The following NR2C2 variants were observed in gnomAD, a reference collection of about 807,000 sequenced individuals.
The protein encoded by NR2C2 is Nuclear hormone receptor TR4.
NR2C2 carries 6 observed loss-of-function variants against 62.9 expected under a neutral mutation model. The ratio of observed to expected loss-of-function variants is 0.10; its 90% CI spans 0.05 to 0.19. NR2C2 has a LOEUF of 0.19. Among genes scored for constraint, NR2C2 ranks in the 10% least tolerant of loss-of-function variants. The pLI is 1.00. For missense variants in NR2C2, 479 were observed against 762.7 expected (o/e 0.63, Z 4.38); for synonymous variants, 272 against 273.8 (o/e 0.99, Z 0.07).
chr3:14,992,496 T>C (rs2040699699), intron 1 of NR2C2, among the ~76,000 whole-genome samples: 1 of 152,182 alleles, frequency 6.6e-6, no homozygotes. Flanking sequence ...TCCCTAAGTG[T>C]TCATTCACTA....
rs750903817 is a variant in NR2C2, at chr3:15,028,666, C to T, written c.879C>T (p.Asn293=). Residue 293 remains asparagine, a synonymous_variant, in exon 8 of 14, where the codon AAC becomes AAT. Transcript: ENST00000425241. The part of the protein sequence containing the change: ...SLANLSESLN[N]GDTSEIQPED... ...CCAACCTAAGTGAATCTTTGAACAACGGTGACACTTCAGAAATCCAGCCAG... is the reference window on the plus strand; with the variant it reads ...CCAACCTAAGTGAATCTTTGAACAATGGTGACACTTCAGAAATCCAGCCAG... The T allele has an allele frequency of 1.2e-5, 19 of 1,613,972 alleles. No individual in the cohort carries two copies. The highest frequency in any genetic ancestry group is 1.2e-4 in the Admixed American group (7 of 60,004).
chr3:14,967,230 A>G (rs2039883584), intron 1 of NR2C2, among the ~76,000 whole-genome samples: 1 of 151,632 alleles, frequency 6.6e-6, no homozygotes, highest in African/African-American at 2.4e-5. Context: ...GATTCTAGTA[A>G]TTTGAGTCTG....
At chr3:14,954,675 A>G (rs1370461334) in intron 1 of NR2C2, among the ~76,000 whole-genome samples, 1 of 152,226 alleles carries the variant, frequency 6.6e-6, no homozygotes, top group African/African-American at 2.4e-5. Flanking sequence ...TATAAAAGTC[A>G]GGAGAGGGAA....
intron 8 of NR2C2, 24 bp from the exon 9 acceptor site, chr3:15,030,251 T>TA: frequency 6.3e-7 from 1 of 1,599,036 alleles, no homozygotes; most frequent in Non-Finnish European, 8.5e-7. Flanking sequence ...TCACAACAAT[T>TA]ACATGCTTCA....
rs1387267401 is a variant in NR2C2 at position 15,048,401 on chromosome 3, A to ATAAT, written c.*5397_*5400dup. On this transcript the variant is annotated 3_prime_UTR_variant, in exon 14 of 14. Coordinates refer to ENST00000425241, the MANE Select transcript of NR2C2 (RefSeq NM_001291694.2). ...TATTTAGCTTAACAGCAGTCTACAAATAATTAAAGTGTGAGCTTAAGAAAA... is the reference window on the plus strand; with the variant it reads ...TATTTAGCTTAACAGCAGTCTACAAATAATTAATTAAAGTGTGAGCTTAAGAAAA... The ATAAT allele has an allele frequency of 6.6e-6, 1 of 152,662 alleles. No homozygotes were observed. Among genetic ancestry groups the ATAAT allele is most frequent in the Non-Finnish European group, 1.5e-5 (1 of 68,040 alleles). 9.5% of individuals were successfully genotyped at this position (152,662 alleles called of 1,614,324 possible). A position where few individuals can be genotyped will look rare whatever the true frequency, so the allele number is the denominator to read the frequency against.
chr3:15,039,503 G>A (rs774428307), intron 13 of NR2C2, among the ~76,000 whole-genome samples: 42 of 152,172 alleles, frequency 2.8e-4, no homozygotes, highest in Non-Finnish European at 4.7e-4. Context: ...GACTGTGAGC[G>A]AGGCCTCAGA....
intron 9 of NR2C2, among the ~76,000 whole-genome samples, chr3:15,031,507 A>G (rs2125062229): frequency 6.6e-6 from 1 of 152,162 alleles, no homozygotes; most frequent in Admixed American, 6.5e-5. Flanking sequence ...AGCTAGGACT[A>G]TAGGCATGCA....
chr3:14,988,884 A>C (rs553302057), intron 1 of NR2C2, among the ~76,000 whole-genome samples: 82 of 152,244 alleles, frequency 5.4e-4, no homozygotes, highest in African/African-American at 1.9e-3. Context: ...TTCTGTTTGT[A>C]TGTGTGGAGT....
intron 7 of NR2C2, 48 bp from the exon 8 acceptor site, chr3:15,028,538 T>A: frequency 1.3e-6 from 2 of 1,582,574 alleles, no homozygotes; most frequent in Non-Finnish European, 1.7e-6. Flanking sequence ...CTGAGAGTCA[T>A]TTGCGTATCT....
At chr3:15,003,143 A>G (rs115612515) in intron 1 of NR2C2, among the ~76,000 whole-genome samples, 2,375 of 138,166 alleles carry the variant, frequency 0.017, 75 homozygotes, top group African/African-American at 0.058. Flanking sequence ...GTAGAGATGG[A>G]GTTTTACCAT....
At chr3:14,999,591 G>A (rs928689769) in intron 1 of NR2C2, among the ~76,000 whole-genome samples, 2 of 152,010 alleles carry the variant, frequency 1.3e-5, no homozygotes, top group African/African-American at 4.8e-5. Context: ...CCTAATTCAA[G>A]TTCACGAAGA....
intron 2 of NR2C2, among the ~76,000 whole-genome samples, chr3:15,010,353 T>TAA (rs57560170): frequency 1.4e-5 from 2 of 140,716 alleles, no homozygotes; most frequent in East Asian, 4.1e-4. Context: ...AGGGTGAAGA[T>TAA]AAAAAAAAAA....
At chr3:15,029,725 CAA>C (rs1200509061) in intron 8 of NR2C2, among the ~76,000 whole-genome samples, 15 of 151,916 alleles carry the variant, frequency 9.9e-5, no homozygotes, top group Admixed American at 7.9e-4. Flanking sequence ...GAAGCTGAGA[CAA>C]GAGGATCACT....
chr3:14,980,095 C>T (rs115170121), intron 1 of NR2C2, among the ~76,000 whole-genome samples: 161 of 152,116 alleles, frequency 1.1e-3, no homozygotes, highest in Non-Finnish European at 1.7e-3. Flanking sequence ...ACTCTGGCTT[C>T]CTTGGTTTTA....
intron 1 of NR2C2, among the ~76,000 whole-genome samples, chr3:14,982,213 C>T (rs572163057): frequency 1.1e-4 from 16 of 152,186 alleles, no homozygotes; most frequent in African/African-American, 2.2e-4. Flanking sequence ...TACAGGTGTG[C>T]GCCACCATAC....
At chr3:15,005,286 A>C (rs1430784292) in intron 2 of NR2C2, among the ~76,000 whole-genome samples, 1 of 150,182 alleles carries the variant, frequency 6.7e-6, no homozygotes, top group Non-Finnish European at 1.5e-5. Context: ...TCAGAGGCTC[A>C]AGCCATCCTC....
chr3:15,002,368 T>C (rs2041032422), intron 1 of NR2C2, among the ~76,000 whole-genome samples: 1 of 152,336 alleles, frequency 6.6e-6, no homozygotes, highest in Non-Finnish European at 1.5e-5. Context: ...TTTAATGCAA[T>C]GTATAGAACT....
At position 15,024,182 on chromosome 3, in the gene NR2C2, A is replaced by G. The variant is rs759247878; in HGVS notation, c.772A>G (p.Thr258Ala). Residue 258 changes from threonine to alanine, a missense_variant, in exon 7 of 14, where the codon ACA (threonine) becomes GCA (alanine). Around this residue, in one of 4 missense-constraint regions of NR2C2, gnomAD observed 151 missense variants for 176.1 expected, o/e 0.86. Transcript: ENST00000425241. The stretch of plus-strand genomic sequence containing the variant: ...GCAGCCTTTGATACGTGAGGATGGT[A>G]CAGTTCTCCTGGCCACGGATTCTAA... ...IQQPLIREDGTVLLATDSKAE... is the reference protein window; with the variant it reads ...IQQPLIREDGAVLLATDSKAE... The G allele has an allele frequency of 1.2e-6, 2 of 1,611,454 alleles. No homozygotes were observed. The highest frequency in any genetic ancestry group is 2.2e-5 in the East Asian group (1 of 44,758).
chr3:14,978,788 G>C (rs555983341), intron 1 of NR2C2, among the ~76,000 whole-genome samples: 1 of 152,316 alleles, frequency 6.6e-6, no homozygotes, highest in African/African-American at 2.4e-5. Context: ...AGATGTGTTT[G>C]ATGTCTCAGG....
Sources: allele counts gnomAD v4.1 joint callset (sites outside exome capture counted in the v4.1 genomes callset), GRCh38; gene constraint gnomAD v4.1.1; regional missense constraint gnomAD v4.1.1; transcripts MANE v1.5; gene names NCBI Gene and HGNC (gene_info 2026-07-23, HGNC 2026-07-21).